Variants in SMG1 observed in about 807,000 individuals in gnomAD.
SMG1 encodes the protein serine/threonine-protein kinase SMG1.
In SMG1, 22 loss-of-function variants were observed where a neutral mutation model predicts 419.9. That is an observed-to-expected ratio of 0.05 (90% CI 0.04 to 0.07). The LOEUF is 0.07. SMG1 is among the 10% of genes least tolerant of loss of function. SMG1 has a pLI of 1.00. For missense variants in SMG1, 3,185 were observed against 4,342.0 expected (o/e 0.73, Z 7.49); for synonymous variants, 1,538 against 1,553.5 (o/e 0.99, Z 0.23).
intron 11 of SMG1, chr16:18,878,652 T>C (rs11641171): frequency 3.9e-4 from 58 of 149,610 alleles, no homozygotes; most frequent in African/African-American, 1.4e-3. Context: ...AAGAATCTGG[T>C]GCATAGAGCA....
chr16:18,819,409 T>C, intron 56 of SMG1, 93 bp downstream of exon 56: 1 of 1,404,150 alleles, frequency 7.1e-7, no homozygotes, highest in African/African-American at 1.4e-5. Context: ...ACGTGGGCTC[T>C]CAAGCTCCCC....
At chr16:18,852,782 G>A (rs542334050) in intron 31 of SMG1, among the ~76,000 whole-genome samples, 50 of 152,216 alleles carry the variant, frequency 3.3e-4, no homozygotes, top group South Asian at 1.5e-3. Context: ...ATTATGAATC[G>A]GACTGGCTAT....
chr16:18,820,197 C>G (rs949315765), intron 55 of SMG1, among the ~76,000 whole-genome samples: 2 of 152,202 alleles, frequency 1.3e-5, no homozygotes, highest in African/African-American at 4.8e-5. Context: ...AACTCCTGAC[C>G]TCATGATCCA....
intron 23 of SMG1, 43 bp from the exon 24 acceptor site, chr16:18,864,187 CT>C (rs748193551): frequency 0.2 from 114,712 of 586,638 alleles, 2,826 homozygotes; most frequent in South Asian, 0.22. Flanking sequence ...TATCTACTTA[CT>C]TTTTTTTTTT....
At chr16:18,815,713 C>T in intron 58 of SMG1, 62 bp from the exon 59 acceptor site, 1 of 1,384,228 alleles carries the variant, frequency 7.2e-7, no homozygotes, top group South Asian at 1.3e-5. Flanking sequence ...ACTCTCAAGA[C>T]AGTCACCTAG....
Position 18,836,086 on chromosome 16 carries a change from C to T in SMG1, c.7904G>A (p.Arg2635His), listed in dbSNP as rs372016014. ...GTGATGCAGTTGCTCCAGACAGCCA[C>T]GGAGCACGGAGCGCCTCTGCTGCAG... Reference protein sequence around the residue: ...ALLQQRRSVLRGCLEQLHHYA... With the variant: ...ALLQQRRSVLHGCLEQLHHYA... The change falls in exon 48 of 63, where the codon CGT becomes CAT. Residue 2635 changes from arginine (R) to histidine (H), a missense_variant. Physicochemically the swap from Arg to His is conservative, Grantham distance 29. This residue lies in a region of SMG1 where 412 missense variants were observed against 546.6 expected (regional missense o/e 0.75). Transcript: ENST00000446231. The T allele has an allele frequency of 3.3e-5, 53 of 1,607,988 alleles. No homozygotes were observed. The highest frequency in any genetic ancestry group is 1.4e-4 in the Admixed American group (8 of 59,048).
chr16:18,848,094 G>T, intron 36 of SMG1, 61 bp from the exon 37 acceptor site: 1 of 1,403,666 alleles, frequency 7.1e-7, no homozygotes, highest in Non-Finnish European at 1.0e-6. Flanking sequence ...CATATGCTAG[G>T]TTAGGGAAAA....
chr16:18,818,445 C>A (rs1405034869), intron 56 of SMG1, among the ~76,000 whole-genome samples: 1 of 151,902 alleles, frequency 6.6e-6, no homozygotes, highest in Admixed American at 6.6e-5. Context: ...GTTGCCCAGG[C>A]TGGTTTCAAA....
intron 1 of SMG1, among the ~76,000 whole-genome samples, chr16:18,904,363 G>A (rs1016634020): frequency 9.2e-5 from 14 of 151,906 alleles, no homozygotes; most frequent in African/African-American, 2.2e-4. Context: ...GGCCGGGCAC[G>A]GCGGCTCACG....
intron 60 of SMG1, among the ~76,000 whole-genome samples, chr16:18,812,560 A>G (rs1443557558): frequency 6.6e-6 from 1 of 150,964 alleles, no homozygotes; most frequent in Non-Finnish European, 1.5e-5. Flanking sequence ...TTATATATAT[A>G]TACATATATA....
At chr16:18,846,906 AAAT>A (rs1190170100) in intron 38 of SMG1, among the ~76,000 whole-genome samples, 1 of 152,186 alleles carries the variant, frequency 6.6e-6, no homozygotes, top group Admixed American at 6.5e-5. Flanking sequence ...AATTCACAAA[AAAT>A]AATAGAAAGC....
intron 51 of SMG1, 134 bp downstream of exon 51, chr16:18,832,806 C>A: frequency 2.7e-6 from 2 of 737,376 alleles, no homozygotes; most frequent in Non-Finnish European, 4.6e-6. Context: ...TAAAAAGATA[C>A]GTGTATGAGC....
At position 18,882,260 on chromosome 16, in the gene SMG1, C is replaced by T. The variant is rs1402237856; in HGVS notation, c.1198G>A (p.Ala400Thr). 6.2e-7 allele frequency: 1 copy of T among 1,610,330 alleles called. No individual in the cohort carries two copies. The highest frequency in any genetic ancestry group is 8.5e-7 in the Non-Finnish European group (1 of 1,179,078). Reference sequence around the variant, plus strand: ...ACAGTACTAAATACCCGGAGAAGTGCAGCCAGCTTTGGTAATGACACTGAT... The same window carrying T: ...ACAGTACTAAATACCCGGAGAAGTGTAGCCAGCTTTGGTAATGACACTGAT... ...PPSVSLPKLAALLRVFSTVVR... is the reference protein window; with the variant it reads ...PPSVSLPKLATLLRVFSTVVR... Residue 400 changes from alanine to threonine, a missense_variant, in exon 10 of 63, where the codon GCA (alanine) becomes ACA (threonine). This residue lies in a region of SMG1 where 52 missense variants were observed against 69.0 expected (regional missense o/e 0.75). Transcript: ENST00000446231.
At chr16:18,913,920 C>T (rs1241858098) in intron 1 of SMG1, among the ~76,000 whole-genome samples, 1 of 152,060 alleles carries the variant, frequency 6.6e-6, no homozygotes, top group Non-Finnish European at 1.5e-5. Flanking sequence ...AATCCCAGCA[C>T]TTCGGGAAGC....
At chr16:18,899,019 T>C (rs1037972060) in intron 1 of SMG1, among the ~76,000 whole-genome samples, 2 of 152,182 alleles carry the variant, frequency 1.3e-5, no homozygotes, top group African/African-American at 4.8e-5. Flanking sequence ...AATAAGATAA[T>C]GAATTATAAA....
chr16:18,854,336 T>C (rs913070133), intron 30 of SMG1, among the ~76,000 whole-genome samples: 1 of 151,978 alleles, frequency 6.6e-6, no homozygotes, highest in Admixed American at 6.6e-5. Flanking sequence ...AATCCTCCCA[T>C]CTTGGCCTCC....
At chr16:18,869,729 T>C (rs950847597) in intron 19 of SMG1, 125 bp downstream of exon 19, 11 of 769,056 alleles carry the variant, frequency 1.4e-5, no homozygotes, top group African/African-American at 7.0e-5. Flanking sequence ...AAATAACCCA[T>C]ATGAGAAGAA....
chr16:18,827,702 AT>A (rs1333862988), intron 55 of SMG1, among the ~76,000 whole-genome samples: 3 of 143,368 alleles, frequency 2.1e-5, no homozygotes, highest in African/African-American at 7.7e-5. Flanking sequence ...CTAAATATAT[AT>A]TTTATATATA....
At chr16:18,810,634 A>G (rs1345672720) in intron 62 of SMG1, among the ~76,000 whole-genome samples, 1 of 152,234 alleles carries the variant, frequency 6.6e-6, no homozygotes, top group Non-Finnish European at 1.5e-5. Context: ...CCTTGACTAG[A>G]TCTTGAAGGT....
Sources: gnomAD v4.1 joint callset for allele counts (sites outside exome capture counted in the v4.1 genomes callset) on GRCh38, gnomAD v4.1.1 for gene constraint, gnomAD v4.1.1 regional missense constraint, MANE v1.5 for transcripts, NCBI Gene and HGNC (gene_info 2026-07-23, HGNC 2026-07-21) for gene names.